Variants in ZNF705B observed in about 807,000 individuals in gnomAD.
ZNF705B encodes the protein zinc finger protein 705B.
A neutral mutation model predicts 10.5 loss-of-function variants in ZNF705B; 1 was observed. The observed-to-expected ratio is 0.10, with a 90% CI of 0.03 to 0.45. The LOEUF is 0.45. Among genes scored for constraint, ZNF705B ranks in the 20% least tolerant of loss-of-function variants. ZNF705B has a pLI of 0.97. For missense variants in ZNF705B, 14 were observed against 84.0 expected (o/e 0.17, Z 3.26); for synonymous variants, 4 against 25.4 (o/e 0.16, Z 2.53).
intron 2 of ZNF705B, among the ~76,000 whole-genome samples, chr8:7,931,756 C>G (rs1186608661): frequency 7.6e-6 from 1 of 130,978 alleles, no homozygotes; most frequent in East Asian, 2.3e-4. Flanking sequence ...TGACTCTCCA[C>G]TTGAGAAGAG....
intron 2 of ZNF705B, among the ~76,000 whole-genome samples, chr8:7,941,468 C>T (rs1447822223): frequency 1.3e-5 from 1 of 78,902 alleles, no homozygotes; most frequent in East Asian, 4.4e-4. Flanking sequence ...CTCGCTAATA[C>T]TTGTTATACA....
rs1326084388 is a variant in ZNF705B, at chr8:7,937,285, G to T, written c.-72+6849G>T. On this transcript the variant is annotated intron_variant, in intron 2 of 6. Transcript: ENST00000400120. ...TCTCCTCTCTAGCCTTCTACAAAAA[G>T]TTGGCAGTTCTGCTTCAATGTCTAC... is the stretch of plus-strand genomic sequence containing the variant. Among the ~76,000 whole-genome samples the T allele has an allele frequency of 4.8e-3, 549 of 115,308 alleles. 14 individuals are homozygous for T. The highest frequency in any genetic ancestry group is 0.013 in the African/African-American group (515 of 38,168). The allele number at this position is 115,308 out of a possible 152,430, so 75.6% of individuals were successfully genotyped here. A position where few individuals can be genotyped will look rare whatever the true frequency, so the allele number is the denominator to read the frequency against.
At position 7,928,565 on chromosome 8, in the gene ZNF705B, G is replaced by T. The variant is rs2128940979; in HGVS notation, c.-221-1722G>T. Among the ~76,000 whole-genome samples, 2 of 116,156 alleles carry T rather than the reference G, an allele frequency of 1.7e-5. 1 individual carries two copies. The highest frequency in any genetic ancestry group is 5.0e-4 in the East Asian group (2 of 4,038). 76.2% of individuals were successfully genotyped at this position (116,156 alleles called of 152,430 possible). ...GCAACACAGATGTGGAGGGGAAAGA[G>T]AGAAGGAGGAATTTCAGTGTTTTAC... is the stretch of plus-strand genomic sequence containing the variant. On this transcript the variant is annotated intron_variant, in intron 1 of 6. Coordinates refer to ENST00000400120, the MANE Select transcript of ZNF705B (RefSeq NM_001193630.1).
rs568432907 is a variant in ZNF705B at position 7,928,068 on chromosome 8, C to A, written c.-222+1671C>A. On this transcript the variant is annotated intron_variant, in intron 1 of 6. Coordinates refer to ENST00000400120, the MANE Select transcript of ZNF705B (RefSeq NM_001193630.1). ...GCAGAAGTTTACTTCTCACAGTTCT[C>A]GAGGTTGGAAGTCCAAGATCAAGAC... Among the ~76,000 whole-genome samples, 244 of 121,468 alleles carry A rather than the reference C, an allele frequency of 2.0e-3. 4 individuals carry two copies. The highest frequency in any genetic ancestry group is 3.9e-3 in the Non-Finnish European group (198 of 50,950). The allele number at this position is 121,468 out of a possible 152,430, so 79.7% of individuals were successfully genotyped here.
rs1819973259 is a variant in ZNF705B at position 7,935,104 on chromosome 8, A to G, written c.-72+4668A>G. On this transcript the variant is annotated intron_variant, in intron 2 of 6. Transcript: ENST00000400120. ...CTGAAATATAGACCTAAAAGATAAT[A>G]TACTTCAATTGTTAGAGAGGATATT... is the stretch of plus-strand genomic sequence containing the variant. 2.0e-5 allele frequency among the ~76,000 whole-genome samples: 2 copies of G among 102,522 alleles called. 1 individual carries two copies. The highest frequency in any genetic ancestry group is 5.4e-5 in the African/African-American group (2 of 37,114). The allele number at this position is 102,522 out of a possible 152,430, so 67.3% of individuals were successfully genotyped here.
At chr8:7,933,929 C>CTTTTTTTTTTTTTTTTTTTTT (rs1162997944) in intron 2 of ZNF705B, among the ~76,000 whole-genome samples, 3 of 29,366 alleles carry the variant, frequency 1.0e-4, no homozygotes, top group African/African-American at 1.6e-4. Flanking sequence ...GTAATATAAA[C>CTTTTTTTTTTTTTTTTTTTTT]TTTTTTTTTT....
At chr8:7,940,695 T>A (rs559917529) in intron 2 of ZNF705B, among the ~76,000 whole-genome samples, 1 of 148,108 alleles carries the variant, frequency 6.8e-6, no homozygotes, top group East Asian at 2.0e-4. Context: ...ATAGTAATTG[T>A]CATTCTGTGG....
intron 2 of ZNF705B, among the ~76,000 whole-genome samples, chr8:7,937,880 A>T (rs2128943886): frequency 9.7e-6 from 1 of 103,546 alleles, no homozygotes; most frequent in East Asian, 2.9e-4. Context: ...AAAACAGTTC[A>T]GTTTCCAGGG....
chr8:7,928,632 G>A (rs1420997883), intron 1 of ZNF705B, among the ~76,000 whole-genome samples: 1 of 106,404 alleles, frequency 9.4e-6, no homozygotes, highest in African/African-American at 2.7e-5. Context: ...CCATAAAAAT[G>A]CGTTGCACTA....
intron 2 of ZNF705B, among the ~76,000 whole-genome samples, chr8:7,936,716 AC>A (rs1476223386): frequency 8.4e-6 from 1 of 118,446 alleles, no homozygotes; most frequent in African/African-American, 2.6e-5. Flanking sequence ...ATTGGGTCTT[AC>A]CAGGAGGGGA....
chr8:7,950,752 G>A lies in ZNF705B; in HGVS notation c.318+5G>A. The A allele has an allele frequency of 1.1e-6, 1 of 892,458 alleles. No individual in the cohort carries two copies. Among genetic ancestry groups the A allele is most frequent in the Non-Finnish European group, 1.6e-6 (1 of 642,438 alleles). 55.3% of individuals were successfully genotyped at this position (892,458 alleles called of 1,614,324 possible). ...ACATCCACCAGTATGACAATGGTAA[G>A]TTTTATAGCTGTGTACACCAGTCAT... On this transcript the variant is annotated splice_donor_5th_base_variant and intron_variant, in intron 6 of 6. Transcript: ENST00000400120.
In ZNF705B at chr8:7,927,233, G is replaced by A. The variant is rs1190686343; in HGVS notation, c.-222+836G>A. Among the ~76,000 whole-genome samples the A allele has an allele frequency of 7.2e-4, 85 of 118,548 alleles. 1 individual carries two copies. The highest frequency in any genetic ancestry group is 1.9e-3 in the African/African-American group (77 of 39,590). 77.8% of individuals were successfully genotyped at this position (118,548 alleles called of 152,430 possible). A position where few individuals can be genotyped will look rare whatever the true frequency, so the allele number is the denominator to read the frequency against. On this transcript the variant is annotated intron_variant, in intron 1 of 6. Transcript: ENST00000400120. The stretch of plus-strand genomic sequence containing the variant: ...CAAAATGGCCAAAGTTTCCCTACCA[G>A]CCTCTAATTCCATGGGCCCTAAAAG...
At position 7,931,650 on chromosome 8, in the gene ZNF705B, G is replaced by A. The variant is rs1376287650; in HGVS notation, c.-72+1214G>A. 6.5e-5 allele frequency among the ~76,000 whole-genome samples: 8 copies of A among 123,210 alleles called. 4 individuals are homozygous for A. In the South Asian group the frequency reaches 1.1e-3, roughly 16 times the overall value. The allele number at this position is 123,210 out of a possible 152,430, so 80.8% of individuals were successfully genotyped here. A position where few individuals can be genotyped will look rare whatever the true frequency, so the allele number is the denominator to read the frequency against. On this transcript the variant is annotated intron_variant, in intron 2 of 6. Coordinates refer to ENST00000400120, the MANE Select transcript of ZNF705B (RefSeq NM_001193630.1). ...CTGGCCCTGGAATAGTGCCCAGGCA[G>A]GTGAGTCCCCAGGTCCCCTGAGGAT...
intron 2 of ZNF705B, among the ~76,000 whole-genome samples, chr8:7,935,332 G>A (rs1483565100): frequency 6.8e-6 from 1 of 147,190 alleles, no homozygotes; most frequent in African/African-American, 2.4e-5. Flanking sequence ...TATACTTGTT[G>A]AAAATATTGA....
At chr8:7,932,405 G>T (rs1234764314) in intron 2 of ZNF705B, among the ~76,000 whole-genome samples, 3 of 120,972 alleles carry the variant, frequency 2.5e-5, no homozygotes, top group Non-Finnish European at 5.9e-5. Context: ...TCTTTCTTTG[G>T]GAGGACACAG....
At chr8:7,933,929 CTTTTTTTTTTT>C (rs1162997944) in intron 2 of ZNF705B, among the ~76,000 whole-genome samples, 7 of 29,362 alleles carry the variant, frequency 2.4e-4, no homozygotes, top group African/African-American at 3.1e-4. Context: ...GTAATATAAA[CTTTTTTTTTTT>C]TTTTTTTTTT....
rs1819806470 is a variant in ZNF705B, at chr8:7,930,280, T to C, written c.-221-7T>C. The C allele has an allele frequency of 9.3e-6, 1 of 107,200 alleles. No homozygotes were observed. Among genetic ancestry groups the C allele is most frequent in the Non-Finnish European group, 2.2e-5 (1 of 44,978 alleles). 6.6% of individuals were successfully genotyped at this position (107,200 alleles called of 1,614,324 possible). A position where few individuals can be genotyped will look rare whatever the true frequency, so the allele number is the denominator to read the frequency against. On this transcript the variant is annotated splice_polypyrimidine_tract_variant and splice_region_variant and intron_variant, in intron 1 of 6. Transcript: ENST00000400120. ...AGTTTCCCAGCTGAATTCAAACTCA[T>C]TCCCAGATCACTTGTCCTCCTCAAT... is the stretch of plus-strand genomic sequence containing the variant.
chr8:7,928,238 A>C (rs1819751501), intron 1 of ZNF705B, among the ~76,000 whole-genome samples: 1 of 114,958 alleles, frequency 8.7e-6, no homozygotes, highest in South Asian at 3.1e-4. Flanking sequence ...TCACCTCCTC[A>C]AAGCCCGCAC....
intron 2 of ZNF705B, chr8:7,934,721 T>TGTGTGTGTGTGTG (rs1211087723): frequency 2.8e-4 from 30 of 108,844 alleles, no homozygotes; most frequent in African/African-American, 7.4e-4. Context: ...TGTGTGTGTG[T>TGTGTGTGTGTGTG]TATTTGATTT....
Sources: gnomAD v4.1 joint callset for allele counts (sites outside exome capture counted in the v4.1 genomes callset) on GRCh38, gnomAD v4.1.1 for gene constraint, MANE v1.5 for transcripts, NCBI Gene and HGNC (gene_info 2026-07-23, HGNC 2026-07-21) for gene names.